Variants in POLR1D observed in about 807,000 individuals in gnomAD.
The protein encoded by POLR1D is RNA polymerase I and III subunit D.
POLR1D carries 8 observed loss-of-function variants against 10.8 expected under a neutral mutation model. The observed-to-expected ratio is 0.74, with a 90% CI of 0.43 to 1.33. The LOEUF (loss-of-function observed/expected upper bound fraction) is 1.33, where lower values mean the gene tolerates loss of function less well. Among genes scored for constraint, POLR1D ranks in the 40% most tolerant of loss-of-function variants. POLR1D has a pLI of 0.01. For synonymous variants in POLR1D, 54 were observed against 57.2 expected (o/e 0.94, Z 0.25); for missense variants, 152 against 161.7 (o/e 0.94, Z 0.32).
intron 1 of POLR1D, among the ~76,000 whole-genome samples, chr13:27,639,169 G>A (rs1456093213): frequency 6.6e-6 from 1 of 152,026 alleles, no homozygotes; most frequent in Non-Finnish European, 1.5e-5. Context: ...TTCTTTTGCA[G>A]TTTTGTTTTC....
At chr13:27,622,289 G>A (rs931129279) in intron 1 of POLR1D, 2 of 559,888 alleles carry the variant, frequency 3.6e-6, no homozygotes, top group Non-Finnish European at 3.2e-6. Context: ...CCGGGCCTCT[G>A]CTCCTGAGGA....
chr13:27,665,885 G>A (rs773380196), exon 3 of POLR1D: 84 of 1,613,956 alleles, frequency 5.2e-5, no homozygotes, highest in African/African-American at 9.3e-5. Context: ...TCGAGGTTCC[G>A]CCAGTTACTC....
intron 2 of POLR1D, among the ~76,000 whole-genome samples, chr13:27,662,240 G>C (rs74040829): frequency 1.2e-3 from 184 of 152,210 alleles, no homozygotes; most frequent in African/African-American, 4.1e-3. Flanking sequence ...CTCATGAAGA[G>C]AGAGTAAAAT....
chr13:27,660,752 T>C (rs950914814), intron 2 of POLR1D: 16 of 152,358 alleles, frequency 1.1e-4, no homozygotes, highest in African/African-American at 3.9e-4. Flanking sequence ...AGTCTTTCTC[T>C]GCTCCACTCT....
downstream of POLR1D, among the ~76,000 whole-genome samples, chr13:27,625,132 A>G (rs1955995902): frequency 6.6e-6 from 1 of 152,106 alleles, no homozygotes; most frequent in Non-Finnish European, 1.5e-5. Flanking sequence ...TTGAACAAAG[A>G]TTTGCATGTT....
chr13:27,636,004 A>G (rs1372104287), intron 1 of POLR1D, among the ~76,000 whole-genome samples: 2 of 152,148 alleles, frequency 1.3e-5, no homozygotes, highest in Non-Finnish European at 2.9e-5. Context: ...TTTAGGGACT[A>G]TATAAAGATA....
At chr13:27,655,513 CTTA>C (rs370446030) in intron 2 of POLR1D, among the ~76,000 whole-genome samples, 58 of 152,164 alleles carry the variant, frequency 3.8e-4, no homozygotes, top group African/African-American at 1.4e-3. Context: ...CTGGATTTGC[CTTA>C]TTATGTTTTC....
chr13:27,648,596 A>C (rs1956240891), intron 2 of POLR1D: 1 of 604,110 alleles, frequency 1.7e-6, no homozygotes, highest in Non-Finnish European at 3.0e-6. Context: ...AGAGTAAGAC[A>C]CTGCTGAGAA....
At chr13:27,624,636 C>CT (rs912018935), downstream of POLR1D, among the ~76,000 whole-genome samples, 1 of 152,074 alleles carries the variant, frequency 6.6e-6, no homozygotes, top group Non-Finnish European at 1.5e-5. Context: ...GGCATGGTGG[C>CT]TCACACCTGG....
chr13:27,648,413 C>T (rs770558990), exon 2 of POLR1D: 20 of 1,610,748 alleles, frequency 1.2e-5, no homozygotes, highest in African/African-American at 4.0e-5. Context: ...GGAGGCAAAA[C>T]GTGGGAAAAC....
intron 2 of POLR1D, among the ~76,000 whole-genome samples, chr13:27,654,388 A>G (rs1399755463): frequency 2.0e-5 from 3 of 152,218 alleles, no homozygotes; most frequent in Admixed American, 2.0e-4. Flanking sequence ...ATTATATAAT[A>G]TTTTTAAAAT....
At chr13:27,659,094 C>G (rs1283787599) in intron 2 of POLR1D, among the ~76,000 whole-genome samples, 1 of 152,168 alleles carries the variant, frequency 6.6e-6, no homozygotes, top group Non-Finnish European at 1.5e-5. Context: ...AGTCACCCAT[C>G]TTGTTCTTCC....
rs145728768 is a variant in POLR1D, at chr13:27,652,418, T to C, written c.101+3965T>C. On this transcript the variant is annotated intron_variant, in intron 2 of 2. Coordinates refer to the POLR1D transcript ENST00000399697. Reference sequence around the variant, plus strand: ...CTCTTTAGGAATAACACTGGTTAGGTTGGTAGTTACACAGAGTTACTGGGG... The same window carrying C: ...CTCTTTAGGAATAACACTGGTTAGGCTGGTAGTTACACAGAGTTACTGGGG... Among the ~76,000 whole-genome samples, 317 of 152,286 alleles carry C rather than the reference T, an allele frequency of 2.1e-3. 2 individuals are homozygous for C. The highest frequency in any genetic ancestry group is 7.2e-3 in the African/African-American group (299 of 41,568).
At chr13:27,628,827 ATTC>A (rs1213110268) in intron 1 of POLR1D, among the ~76,000 whole-genome samples, 2 of 152,062 alleles carry the variant, frequency 1.3e-5, no homozygotes, top group African/African-American at 4.8e-5. Flanking sequence ...GAACTTTTTT[ATTC>A]TTCTTTTGAG....
intron 2 of POLR1D, chr13:27,665,666 T>G (rs199689961): frequency 6.2e-7 from 1 of 1,612,450 alleles, no homozygotes. Flanking sequence ...ATGGTTTTTC[T>G]TTTCTCCTCC....
downstream of POLR1D, among the ~76,000 whole-genome samples, chr13:27,627,127 C>G (rs1317397329): frequency 6.6e-6 from 1 of 152,192 alleles, no homozygotes; most frequent in African/African-American, 2.4e-5. Context: ...AACCTTTAAA[C>G]TGGTCTCTTA....
chr13:27,645,012 A>G (rs1956205833), intron 1 of POLR1D, among the ~76,000 whole-genome samples: 1 of 152,192 alleles, frequency 6.6e-6, no homozygotes, highest in South Asian at 2.1e-4. Flanking sequence ...TTCTCCCCTT[A>G]ATTTTGAAGG....
chr13:27,661,412 A>G (rs996307230), intron 2 of POLR1D, among the ~76,000 whole-genome samples: 1 of 152,236 alleles, frequency 6.6e-6, no homozygotes, highest in African/African-American at 2.4e-5. Flanking sequence ...AAATATAAAA[A>G]TAACTAGCCA....
At chr13:27,647,935 T>C (rs1956234854) in intron 1 of POLR1D, 3 of 175,630 alleles carry the variant, frequency 1.7e-5, no homozygotes, top group Admixed American at 1.1e-4. Context: ...TCCCCATTAG[T>C]AGAGAAGAAG....
Sources: allele counts gnomAD v4.1 joint callset (sites outside exome capture counted in the v4.1 genomes callset), GRCh38; gene constraint gnomAD v4.1.1; transcripts MANE v1.5; gene names NCBI Gene and HGNC (gene_info 2026-07-23, HGNC 2026-07-21).